The following ZHX3 variants were observed in gnomAD, a reference collection of about 807,000 sequenced individuals.
ZHX3 encodes zinc fingers and homeoboxes 3, also known as zinc fingers and homeoboxes protein 3.
A neutral mutation model predicts 64.5 loss-of-function variants in ZHX3; 20 were observed. The ratio of observed to expected loss-of-function variants is 0.31; its 90% CI spans 0.22 to 0.45. The LOEUF (loss-of-function observed/expected upper bound fraction) is 0.45, where lower values mean the gene tolerates loss of function less well. Ranked by LOEUF, ZHX3 falls within the 20% of genes least tolerant of loss-of-function variation. The pLI is 1.00. For missense variants in ZHX3, 1,041 were observed against 1,195.8 expected, an observed-to-expected ratio of 0.87 and a Z score of 1.91; for synonymous variants, 423 against 461.6, an observed-to-expected ratio of 0.92 and a Z score of 1.07.
chr20:41,204,827 A>G lies in ZHX3; in HGVS notation c.90T>C (p.Ala30=), dbSNP rs1314800367. The G allele has an allele frequency of 6.2e-7, 1 of 1,608,562 alleles. No homozygotes were observed. The highest frequency in any genetic ancestry group is 8.5e-7 in the Non-Finnish European group (1 of 1,176,822). Residue 30 remains alanine (A), a synonymous_variant, in exon 3 of 4, where the codon GCT becomes GCC. Transcript: ENST00000683867. The surrounding 1 kb of genome is among the most constrained non-coding windows in gnomAD (Gnocchi z 6.6). The part of the protein sequence containing the change: ...LQDASMEAQP[A]ETLPEGPQQD... ...GCTGGGGTCCTTCAGGCAAGGTCTCAGCGGGCTGGGCCTCCATGCTGGCAT... is the reference window on the plus strand; with the variant it reads ...GCTGGGGTCCTTCAGGCAAGGTCTCGGCGGGCTGGGCCTCCATGCTGGCAT...
rs1054534311 is a variant in ZHX3 at position 41,278,867 on chromosome 20, G to C, written c.-244-9784C>G. ...GGCTCACTGCAAGCTCTGCCTCCCG[G>C]GTTCATGCCATTCTCCTGCCTCAGC... On this transcript the variant is annotated intron_variant, in intron 1 of 3. Coordinates refer to ENST00000683867, the MANE Select transcript of ZHX3 (RefSeq NM_001384317.1). 2.0e-5 allele frequency among the ~76,000 whole-genome samples: 3 copies of C among 148,232 alleles called. 1 individual carries two copies. Among genetic ancestry groups the C allele is most frequent in the African/African-American group, 7.5e-5 (3 of 40,060 alleles).
chr20:41,260,599 CTA>C (rs532329355), intron 2 of ZHX3, among the ~76,000 whole-genome samples: 8 of 152,322 alleles, frequency 5.3e-5, no homozygotes, highest in African/African-American at 1.9e-4. Flanking sequence ...AGCCTGAAAT[CTA>C]TCACTATTTG....
In ZHX3 at chr20:41,205,533, G is replaced by A. The variant is rs550383468; in HGVS notation, c.-150-467C>T. On this transcript the variant is annotated intron_variant, in intron 2 of 3. Coordinates refer to ENST00000683867, the MANE Select transcript of ZHX3 (RefSeq NM_001384317.1). The stretch of plus-strand genomic sequence containing the variant: ...CTGTCTGTCCCAAGCCAGGCCCAGG[G>A]ACCAAGTTAGCTGCAGTGTGTGAAC... 7.4e-5 allele frequency among the ~76,000 whole-genome samples: 9 copies of A among 121,078 alleles called. No homozygotes were observed. The South Asian group carries it at 2.6e-3, about 35-fold the overall frequency. 79.4% of individuals were successfully genotyped at this position (121,078 alleles called of 152,430 possible). A position where few individuals can be genotyped will look rare whatever the true frequency, so the allele number is the denominator to read the frequency against.
rs56086714 is a variant in ZHX3, at chr20:41,266,547, CT to C, written c.-151+2442del. Among the ~76,000 whole-genome samples the C allele has an allele frequency of 3.6e-3, 513 of 140,682 alleles. 1 individual carries two copies. The highest frequency in any genetic ancestry group is 0.01 in the South Asian group (45 of 4,382). The allele number at this position is 140,682 out of a possible 152,430, so 92.3% of individuals were successfully genotyped here. On this transcript the variant is annotated intron_variant, in intron 2 of 3. Transcript: ENST00000683867. ...TCTTTTTGTTAATCTCCCAATCTTT[CT>C]TTTTTTTTTTTTTTTTAGATGGAGT...
In ZHX3 at chr20:41,278,250, G is replaced by A. The variant is rs1222743070; in HGVS notation, c.-244-9167C>T. ...CCCAGCTACTCGGGAAGCTGGGGCA[G>A]GAGAACTGCTTGAACTAGGGAGGCA... is the stretch of plus-strand genomic sequence containing the variant. On this transcript the variant is annotated intron_variant, in intron 1 of 3. Transcript: ENST00000683867. Among the ~76,000 whole-genome samples the A allele has an allele frequency of 1.4e-5, 2 of 138,752 alleles. 1 individual carries two copies. Among genetic ancestry groups the A allele is most frequent in the Non-Finnish European group, 3.1e-5 (2 of 63,632 alleles). The allele number at this position is 138,752 out of a possible 152,430, so 91.0% of individuals were successfully genotyped here. A position where few individuals can be genotyped will look rare whatever the true frequency, so the allele number is the denominator to read the frequency against.
chr20:41,210,844 A>T (rs556730310), intron 2 of ZHX3, among the ~76,000 whole-genome samples: 24 of 152,374 alleles, frequency 1.6e-4, no homozygotes, highest in African/African-American at 5.5e-4. Context: ...TATAATTTAA[A>T]AAAGAATTAT....
intron 2 of ZHX3, among the ~76,000 whole-genome samples, chr20:41,261,594 T>C (rs1164904650): frequency 6.6e-6 from 1 of 152,202 alleles, no homozygotes; most frequent in Non-Finnish European, 1.5e-5. Flanking sequence ...TTTGGGCCTG[T>C]TGTGAAGACT....
chr20:41,294,925 G>C (rs2044430277), intron 1 of ZHX3, among the ~76,000 whole-genome samples: 1 of 152,072 alleles, frequency 6.6e-6, no homozygotes, highest in African/African-American at 2.4e-5. Context: ...TTGAACTCCT[G>C]ACCTCAAGTG....
chr20:41,300,281 C>G (rs1035910342), intron 1 of ZHX3, among the ~76,000 whole-genome samples: 1 of 152,160 alleles, frequency 6.6e-6, no homozygotes, highest in African/African-American at 2.4e-5. Context: ...TGAAGCAATT[C>G]AGATTCTTAG....
rs2146100613 is a variant in ZHX3 at position 41,185,527 on chromosome 20, C to A, written c.2861-326G>T. The A allele has an allele frequency of 2.0e-6, 1 of 495,280 alleles. No homozygotes were observed. Among genetic ancestry groups the A allele is most frequent in the East Asian group, 3.3e-5 (1 of 30,700 alleles). 30.7% of individuals were successfully genotyped at this position (495,280 alleles called of 1,614,324 possible). The stretch of plus-strand genomic sequence containing the variant: ...CTCCCCAGGCTTCCGCCACCACCGT[C>A]TCTGGAGTCCTGTCCTAAAATGCTT... On this transcript the variant is annotated intron_variant, in intron 3 of 3. Coordinates refer to ENST00000683867, the MANE Select transcript of ZHX3 (RefSeq NM_001384317.1). This position sits in a 1 kb window ranked among gnomAD's most constrained non-coding sequence, Gnocchi z 5.0.
chr20:41,288,900 ATAC>A (rs2146730736), intron 1 of ZHX3, among the ~76,000 whole-genome samples: 2 of 152,354 alleles, frequency 1.3e-5, no homozygotes, highest in African/African-American at 4.8e-5. Flanking sequence ...CAATTATTTA[ATAC>A]TTAGATGTTA....
chr20:41,268,263 A>G (rs1371455788), intron 2 of ZHX3, among the ~76,000 whole-genome samples: 1 of 152,168 alleles, frequency 6.6e-6, no homozygotes, highest in African/African-American at 2.4e-5. Flanking sequence ...TTACTGGACA[A>G]AGTTTCTTAA....
chr20:41,276,967 A>G (rs962171198), intron 1 of ZHX3, among the ~76,000 whole-genome samples: 2 of 152,258 alleles, frequency 1.3e-5, no homozygotes, highest in African/African-American at 4.8e-5. Context: ...ATAAATCTCA[A>G]AAGCATGGTG....
chr20:41,303,533 T>C (rs977034009), intron 1 of ZHX3, among the ~76,000 whole-genome samples: 4 of 152,180 alleles, frequency 2.6e-5, no homozygotes, highest in South Asian at 2.1e-4. Flanking sequence ...CACAAAAAAA[T>C]AGAAGCTTTT....
Position 41,271,007 on chromosome 20 carries a change from G to A in ZHX3, c.-244-1924C>T, listed in dbSNP as rs192722391. Among the ~76,000 whole-genome samples, 75 of 152,268 alleles carry A rather than the reference G, an allele frequency of 4.9e-4. 1 individual carries two copies. Among genetic ancestry groups the A allele is most frequent in the East Asian group, 4.8e-3 (25 of 5,174 alleles). ...ACCTGGGCACCAGGGTGAGACCACA[G>A]TCTCTACAAAAGTATTTTTGTTTTT... On this transcript the variant is annotated intron_variant, in intron 1 of 3. Transcript: ENST00000683867.
chr20:41,243,741 A>G (rs975225492), intron 2 of ZHX3, among the ~76,000 whole-genome samples: 13 of 152,054 alleles, frequency 8.5e-5, no homozygotes, highest in Non-Finnish European at 5.9e-5. Flanking sequence ...CTCTTACTCT[A>G]CTCTCAAAGG....
At chr20:41,269,794 G>A (rs1321577526) in intron 1 of ZHX3, among the ~76,000 whole-genome samples, 1 of 151,716 alleles carries the variant, frequency 6.6e-6, no homozygotes, top group East Asian at 1.9e-4. Context: ...TCCAACAGAC[G>A]TGTAGGCATT....
rs2037604185 is a variant in ZHX3, at chr20:41,196,457, T to TTTATATTATATATTATAAATATATA, written c.2860+5599_2860+5600insTATATATTTATAATATATAATATAA. ...AAATATATATATTATATATAATATATTTATATATAATATATATTTATATAT... is the reference window on the plus strand; with the variant it reads ...AAATATATATATTATATATAATATATTTATATTATATATTATAAATATATATTATATATAATATATATTTATATAT... On this transcript the variant is annotated intron_variant, in intron 3 of 3. Transcript: ENST00000683867. Among the ~76,000 whole-genome samples the TTTATATTATATATTATAAATATATA allele has an allele frequency of 1.5e-3, 2 of 1,370 alleles. 1 individual carries two copies. The highest frequency in any genetic ancestry group is 3.7e-3 in the Non-Finnish European group (2 of 536). 0.9% of individuals were successfully genotyped at this position (1,370 alleles called of 152,430 possible). A position where few individuals can be genotyped will look rare whatever the true frequency, so the allele number is the denominator to read the frequency against.
At chr20:41,305,212 A>C (rs2044939318) in intron 1 of ZHX3, among the ~76,000 whole-genome samples, 1 of 152,254 alleles carries the variant, frequency 6.6e-6, no homozygotes, top group Admixed American at 6.5e-5. Context: ...GCAAGGTAAG[A>C]GGGAACATTA....
Sources: allele counts gnomAD v4.1 joint callset (sites outside exome capture counted in the v4.1 genomes callset), GRCh38; gene constraint gnomAD v4.1.1; non-coding constraint Gnocchi (gnomAD v3.1); transcripts MANE v1.5; gene names NCBI Gene and HGNC (gene_info 2026-07-23, HGNC 2026-07-21).